The following ATP9A variants were observed in gnomAD, a reference collection of about 807,000 sequenced individuals.
The protein encoded by ATP9A is probable phospholipid-transporting ATPase IIA.
A neutral mutation model predicts 144.1 loss-of-function variants in ATP9A; 52 were observed. That is an observed-to-expected ratio of 0.36 (90% CI 0.29 to 0.45). The LOEUF is 0.45. Ranked by LOEUF, ATP9A falls within the 20% of genes least tolerant of loss-of-function variation. ATP9A has a pLI of 1.00. For missense variants in ATP9A, 947 were observed against 1,392.7 expected, an observed-to-expected ratio of 0.68 and a Z score of 5.09; for synonymous variants, 582 against 557.4, an observed-to-expected ratio of 1.04 and a Z score of -0.62.
At chr20:51,650,511 G>C (rs1324932359) in intron 14 of ATP9A, among the ~76,000 whole-genome samples, 1 of 150,426 alleles carries the variant, frequency 6.6e-6, no homozygotes. Flanking sequence ...TCCAGCCTGG[G>C]TGACAGAGTG....
chr20:51,644,521 C>T (rs781260380), intron 14 of ATP9A, among the ~76,000 whole-genome samples: 2 of 151,880 alleles, frequency 1.3e-5, no homozygotes, highest in African/African-American at 2.4e-5. Context: ...CTGCCCACCT[C>T]GGCCTCCCAA....
intron 26 of ATP9A, among the ~76,000 whole-genome samples, chr20:51,607,028 TATAA>T (rs1168764198): frequency 5.3e-5 from 8 of 150,950 alleles, no homozygotes; most frequent in East Asian, 1.9e-4. Flanking sequence ...CTCAAAAATA[TATAA>T]ATAAATAAAT....
chr20:51,640,441 G>A (rs1403144752), intron 14 of ATP9A, among the ~76,000 whole-genome samples: 1 of 152,198 alleles, frequency 6.6e-6, no homozygotes, highest in Non-Finnish European at 1.5e-5. Context: ...AGACTGATCT[G>A]GCCCCAAATG....
chr20:51,677,860 A>C (rs763080321), intron 9 of ATP9A, among the ~76,000 whole-genome samples: 16 of 152,188 alleles, frequency 1.1e-4, no homozygotes, highest in Non-Finnish European at 2.2e-4. Context: ...CAAAAAATGC[A>C]AAATCATTTT....
In ATP9A at chr20:51,670,008, T is replaced by C. The variant is rs774355262; in HGVS notation, c.1282A>G (p.Ile428Val). 1.2e-6 allele frequency: 2 copies of C among 1,613,388 alleles called. No individual in the cohort carries two copies. The highest frequency in any genetic ancestry group is 8.5e-7 in the Non-Finnish European group (1 of 1,179,578). The change falls in exon 13 of 28, where the codon ATT becomes GTT. Residue 428 changes from isoleucine (I) to valine (V), a missense_variant. Transcript: ENST00000338821. ...ATGGAAGGCTTTACCTGGGTGTAAA[T>C]GCTGAAAATGTGGCTTTGTACTTCG... Reference protein sequence around the residue: ...MDEVQSHIFSIYTQQSQDPPA... With the variant: ...MDEVQSHIFSVYTQQSQDPPA...
chr20:51,702,365 C>CAT (rs370241750), intron 4 of ATP9A, among the ~76,000 whole-genome samples: 13 of 130,220 alleles, frequency 1.0e-4, no homozygotes, highest in African/African-American at 1.7e-4. Context: ...TGTGTGTGTT[C>CAT]GTGTGTGTGT....
intron 4 of ATP9A, among the ~76,000 whole-genome samples, chr20:51,698,312 C>T (rs2077578979): frequency 6.6e-6 from 1 of 152,162 alleles, no homozygotes; most frequent in Non-Finnish European, 1.5e-5. Context: ...TGGCTTGAGC[C>T]CAGGAGTTCC....
At chr20:51,735,898 G>A (rs552350639) in intron 1 of ATP9A, among the ~76,000 whole-genome samples, 157 of 152,330 alleles carry the variant, frequency 1.0e-3, no homozygotes, top group Non-Finnish European at 1.1e-3. Context: ...CCTAGGCACC[G>A]GGCATTCAGT....
At chr20:51,763,479 A>AT (rs1311123585) in intron 1 of ATP9A, among the ~76,000 whole-genome samples, 14 of 151,674 alleles carry the variant, frequency 9.2e-5, no homozygotes, top group South Asian at 2.1e-4. Flanking sequence ...CACCCAGCTA[A>AT]TTTTTTGTAT....
chr20:51,685,723 A>T (rs973614656), intron 9 of ATP9A, among the ~76,000 whole-genome samples: 1 of 152,220 alleles, frequency 6.6e-6, no homozygotes, highest in Non-Finnish European at 1.5e-5. Flanking sequence ...ACAGCAGGTG[A>T]CGGAGAGGAT....
At chr20:51,712,133 C>T (rs1189713389) in intron 4 of ATP9A, among the ~76,000 whole-genome samples, 3 of 146,476 alleles carry the variant, frequency 2.0e-5, no homozygotes, top group Admixed American at 7.0e-5. Context: ...AGTGCAGTGG[C>T]GCGGTCTATG....
chr20:51,687,087 G>T (rs992579805), intron 9 of ATP9A, among the ~76,000 whole-genome samples: 6 of 152,024 alleles, frequency 3.9e-5, no homozygotes, highest in African/African-American at 1.4e-4. Context: ...ATTATTATTT[G>T]TTAATAAATG....
At chr20:51,625,700 C>CA (rs953127757) in intron 17 of ATP9A, among the ~76,000 whole-genome samples, 5 of 152,192 alleles carry the variant, frequency 3.3e-5, no homozygotes, top group South Asian at 2.1e-4. Flanking sequence ...ACCAAGATCT[C>CA]AAAAAAACAG....
At chr20:51,624,912 C>T (rs1202366005) in intron 18 of ATP9A, among the ~76,000 whole-genome samples, 1 of 144,324 alleles carries the variant, frequency 6.9e-6, no homozygotes, top group Non-Finnish European at 1.5e-5. Flanking sequence ...GGATGAGGCA[C>T]AAGAATTGCT....
chr20:51,634,990 G>T (rs1555830830), intron 15 of ATP9A, among the ~76,000 whole-genome samples: 1 of 150,576 alleles, frequency 6.6e-6, no homozygotes, highest in Non-Finnish European at 1.5e-5. Flanking sequence ...GGCTCGCAAT[G>T]CCCCCCACCT....
intron 14 of ATP9A, among the ~76,000 whole-genome samples, chr20:51,653,606 G>T (rs2008933): frequency 0.7 from 106,929 of 151,892 alleles, 39,461 homozygotes; most frequent in Middle Eastern, 0.82. Flanking sequence ...GCTAACATGG[G>T]GAAAACCCTG....
At chr20:51,654,389 C>G (rs1210564248) in intron 14 of ATP9A, among the ~76,000 whole-genome samples, 1 of 152,030 alleles carries the variant, frequency 6.6e-6, no homozygotes, top group African/African-American at 2.4e-5. Context: ...CCCCAACCGC[C>G]AGGAACCGCA....
chr20:51,615,441 TAC>T (rs200852708), intron 22 of ATP9A, among the ~76,000 whole-genome samples: 3,912 of 152,268 alleles, frequency 0.026, 68 homozygotes, highest in Non-Finnish European at 0.042. Context: ...CAACAAAATG[TAC>T]AGTGTGTTTT....
intron 26 of ATP9A, among the ~76,000 whole-genome samples, chr20:51,606,585 T>C (rs939230397): frequency 2.6e-5 from 4 of 152,180 alleles, no homozygotes; most frequent in African/African-American, 9.7e-5. Flanking sequence ...TAGTCTAAGA[T>C]GCTGAACTAG....
Sources: allele counts gnomAD v4.1 joint callset (sites outside exome capture counted in the v4.1 genomes callset), GRCh38; gene constraint gnomAD v4.1.1; transcripts MANE v1.5; gene names NCBI Gene and HGNC (gene_info 2026-07-23, HGNC 2026-07-21).